Variants in UBTD2 observed in about 807,000 individuals in gnomAD.
UBTD2 encodes the protein ubiquitin domain-containing protein 2.
Under a neutral mutation model 19.8 loss-of-function variants are expected in UBTD2, and 9 were observed. That is an observed-to-expected ratio of 0.46 (90% CI 0.27 to 0.79). The LOEUF (loss-of-function observed/expected upper bound fraction) is 0.79. UBTD2 is among the 30% of genes least tolerant of loss of function. UBTD2 has a pLI of 0.14. For missense variants in UBTD2, 250 were observed against 300.4 expected (o/e 0.83, Z 1.24); for synonymous variants, 98 against 103.9 (o/e 0.94, Z 0.35).
intron 1 of UBTD2, among the ~76,000 whole-genome samples, chr5:172,257,133 C>A (rs1755170454): frequency 6.6e-6 from 1 of 152,148 alleles, no homozygotes; most frequent in African/African-American, 2.4e-5. Flanking sequence ...GATCCTCACC[C>A]TCCTCCCATC....
intron 2 of UBTD2, among the ~76,000 whole-genome samples, chr5:172,216,591 CAAAAAAAAAAAAAAAA>C (rs57657254): frequency 5.4e-5 from 2 of 36,924 alleles, no homozygotes; most frequent in Admixed American, 4.3e-4. Context: ...CATCTCTACC[CAAAAAAAAAAAAAAAA>C]AAAAAAAAAA....
chr5:172,211,727 A>C lies in UBTD2; in HGVS notation c.*103T>G. ...CTCAGAACTAAATCCATTCATAGGG[A>C]ATTTAGAGCAGTGAAATAGATTTCA... On this transcript the variant is annotated 3_prime_UTR_variant, in exon 3 of 3. Coordinates refer to ENST00000393792, the MANE Select transcript of UBTD2 (RefSeq NM_152277.3). 8.0e-7 allele frequency: 1 copy of C among 1,255,010 alleles called. No homozygotes were observed. The highest frequency in any genetic ancestry group is 1.1e-6 in the Non-Finnish European group (1 of 937,346). 77.7% of individuals were successfully genotyped at this position (1,255,010 alleles called of 1,614,324 possible).
chr5:172,258,266 C>T (rs1393417423), intron 1 of UBTD2, among the ~76,000 whole-genome samples: 2 of 152,120 alleles, frequency 1.3e-5, no homozygotes, highest in Non-Finnish European at 2.9e-5. Flanking sequence ...GTCCTTTCCC[C>T]ACTGCTTACT....
At chr5:172,272,428 G>T (rs954217450) in intron 1 of UBTD2, among the ~76,000 whole-genome samples, 1 of 152,234 alleles carries the variant, frequency 6.6e-6, no homozygotes, top group Non-Finnish European at 1.5e-5. Flanking sequence ...GGGATGAGGG[G>T]CATGGGGAGA....
At chr5:172,271,685 T>A (rs939804299) in intron 1 of UBTD2, among the ~76,000 whole-genome samples, 1 of 152,178 alleles carries the variant, frequency 6.6e-6, no homozygotes, top group Non-Finnish European at 1.5e-5. Context: ...GGCTATTTTT[T>A]AAAGTTTCAG....
At chr5:172,217,766 G>C (rs1337679568) in intron 2 of UBTD2, among the ~76,000 whole-genome samples, 1 of 152,128 alleles carries the variant, frequency 6.6e-6, no homozygotes, top group Non-Finnish European at 1.5e-5. Context: ...TTACAGGTAT[G>C]AGCCACCATG....
chr5:172,254,559 G>A (rs547482087), intron 1 of UBTD2: 30 of 624,526 alleles, frequency 4.8e-5, no homozygotes, highest in Non-Finnish European at 6.3e-5. Context: ...GGGTTTTTCT[G>A]TGTGTCGTCT....
At chr5:172,275,099 T>C (rs752427024) in intron 1 of UBTD2, among the ~76,000 whole-genome samples, 1 of 152,120 alleles carries the variant, frequency 6.6e-6, no homozygotes, top group Non-Finnish European at 1.5e-5. Flanking sequence ...TGACTCACAG[T>C]TCCGCAGGGC....
chr5:172,228,721 C>CA lies in UBTD2; in HGVS notation c.307+5400dup, dbSNP rs546522654. Among the ~76,000 whole-genome samples the CA allele has an allele frequency of 1.1e-3, 151 of 143,286 alleles. 1 individual carries two copies. The highest frequency in any genetic ancestry group is 3.5e-3 in the Middle Eastern group (1 of 286). The allele number at this position is 143,286 out of a possible 152,430, so 94.0% of individuals were successfully genotyped here. On this transcript the variant is annotated intron_variant, in intron 2 of 2. Transcript: ENST00000393792. ...GGGTGACAGAGCTAGACTCCGTCTC[C>CA]AAAAAAAAAACATAAAATAAACAAA...
chr5:172,264,365 T>C (rs919670581), intron 1 of UBTD2, among the ~76,000 whole-genome samples: 22 of 151,618 alleles, frequency 1.5e-4, no homozygotes, highest in African/African-American at 4.8e-4. Context: ...TGGTTAATGG[T>C]GAAACCCCAT....
intron 1 of UBTD2, among the ~76,000 whole-genome samples, chr5:172,260,189 A>C (rs1408222479): frequency 6.6e-6 from 1 of 151,958 alleles, no homozygotes; most frequent in African/African-American, 2.4e-5. Context: ...ATAACCTGCC[A>C]ATGTATTTTA....
chr5:172,220,972 G>C lies in UBTD2; in HGVS notation c.308-8745C>G, dbSNP rs112152529. ...AAGTCAACTGCTCTCCTATACATCAGCAATGAGCAAGTAGAATATGAAATT... is the reference window on the plus strand; with the variant it reads ...AAGTCAACTGCTCTCCTATACATCACCAATGAGCAAGTAGAATATGAAATT... On this transcript the variant is annotated intron_variant, in intron 2 of 2. Coordinates refer to ENST00000393792, the MANE Select transcript of UBTD2 (RefSeq NM_152277.3). 2.8e-4 allele frequency among the ~76,000 whole-genome samples: 43 copies of C among 152,244 alleles called. No homozygotes were observed. In the East Asian group the frequency reaches 8.3e-3, roughly 29 times the overall value.
chr5:172,244,518 G>A (rs901808701), intron 1 of UBTD2, among the ~76,000 whole-genome samples: 1 of 150,996 alleles, frequency 6.6e-6, no homozygotes, highest in East Asian at 2.0e-4. Context: ...GGTTGGTCTC[G>A]AACTCCCAAC....
intron 1 of UBTD2, among the ~76,000 whole-genome samples, chr5:172,239,371 T>C (rs1772078103): frequency 6.6e-6 from 1 of 151,942 alleles, no homozygotes; most frequent in East Asian, 1.9e-4. Flanking sequence ...GGGGATCACT[T>C]GAAGCCAGGA....
chr5:172,217,598 GC>G (rs780484396), intron 2 of UBTD2, among the ~76,000 whole-genome samples: 8 of 152,072 alleles, frequency 5.3e-5, no homozygotes, highest in Non-Finnish European at 1.0e-4. Context: ...TATCCCTCCT[GC>G]CTTAGTCTCA....
Position 172,210,245 on chromosome 5 carries a change from T to C in UBTD2, c.*1585A>G, listed in dbSNP as rs538827846. The C allele has an allele frequency of 1.1e-4, 17 of 152,216 alleles. No homozygotes were observed. The highest frequency in any genetic ancestry group is 2.6e-4 in the Admixed American group (4 of 15,280). The allele number at this position is 152,216 out of a possible 1,614,324, so 9.4% of individuals were successfully genotyped here. On this transcript the variant is annotated 3_prime_UTR_variant, in exon 3 of 3. Transcript: ENST00000393792. ...ATTACAGATATATTTAATCAGGCAA[T>C]AGGAAATTCAATACCATTTAAACAT...
chr5:172,261,924 T>G (rs1043868084), intron 1 of UBTD2, among the ~76,000 whole-genome samples: 6 of 151,912 alleles, frequency 3.9e-5, no homozygotes, highest in Non-Finnish European at 8.8e-5. Context: ...ACACCCAGCC[T>G]CACTCACATA....
At chr5:172,244,173 CA>C (rs1772190049) in intron 1 of UBTD2, among the ~76,000 whole-genome samples, 1 of 152,044 alleles carries the variant, frequency 6.6e-6, no homozygotes. Flanking sequence ...AAAATATCCT[CA>C]TCTATGGGGT....
At chr5:172,218,798 TAAAAAAAA>T (rs58608463) in intron 2 of UBTD2, among the ~76,000 whole-genome samples, 1,291 of 121,476 alleles carry the variant, frequency 0.011, 13 homozygotes, top group African/African-American at 0.036. Flanking sequence ...AATAAAAAAA[TAAAAAAAA>T]AAATAAAAAA....
Sources: gnomAD v4.1 joint callset for allele counts (sites outside exome capture counted in the v4.1 genomes callset) on GRCh38, gnomAD v4.1.1 for gene constraint, MANE v1.5 for transcripts, NCBI Gene and HGNC (gene_info 2026-07-23, HGNC 2026-07-21) for gene names.